The following PGM5 variants were observed in gnomAD, a reference collection of about 807,000 sequenced individuals.
PGM5 encodes the protein phosphoglucomutase-like protein 5.
PGM5 carries 23 observed loss-of-function variants against 59.2 expected under a neutral mutation model. The observed-to-expected ratio is 0.39, with a 90% CI of 0.28 to 0.55. The LOEUF is 0.55. Among genes scored for constraint, PGM5 ranks in the 20% least tolerant of loss-of-function variants. The probability of loss-of-function intolerance (pLI) is 0.66; values close to 1 mark genes in which losing one functional copy is unlikely to be tolerated. For synonymous variants in PGM5, 214 were observed against 286.0 expected (o/e 0.75, Z 2.54); for missense variants, 574 against 748.3 (o/e 0.77, Z 2.72).
At chr9:68,372,900 T>G (rs1821777601) in intron 1 of PGM5, among the ~76,000 whole-genome samples, 1 of 152,088 alleles carries the variant, frequency 6.6e-6, no homozygotes, top group East Asian at 1.9e-4. Flanking sequence ...GAGAACACAC[T>G]TATCGTCAAG....
intron 7 of PGM5, chr9:68,466,503 T>C (rs1823937396): frequency 1.8e-5 from 3 of 169,300 alleles, no homozygotes; most frequent in South Asian, 2.9e-4. Flanking sequence ...CTGTTTTTTG[T>C]AGATCTCATA....
chr9:68,391,466 A>C, intron 4 of PGM5, 68 bp from the exon 5 acceptor site: 2 of 1,375,216 alleles, frequency 1.5e-6, no homozygotes, highest in East Asian at 2.3e-5. Flanking sequence ...TTCCTGTACT[A>C]TTCAGAACAA....
chr9:68,376,943 C>T (rs9410889), intron 1 of PGM5, among the ~76,000 whole-genome samples: 9,279 of 142,580 alleles, frequency 0.065, 622 homozygotes, highest in African/African-American at 0.14. Flanking sequence ...CTTTCTTTCC[C>T]TCAGACAGAG....
At chr9:68,501,127 C>T (rs1421984463) in intron 10 of PGM5, among the ~76,000 whole-genome samples, 1 of 152,138 alleles carries the variant, frequency 6.6e-6, no homozygotes, top group Non-Finnish European at 1.5e-5. Context: ...GAAGGGTTGG[C>T]GAATCCCTTC....
chr9:68,486,494 G>A (rs185249866), intron 9 of PGM5, among the ~76,000 whole-genome samples: 10 of 152,034 alleles, frequency 6.6e-5, no homozygotes, highest in Admixed American at 1.3e-4. Context: ...CTATGGATTC[G>A]CCTATTTGGG....
At chr9:68,485,627 G>A (rs1035275384) in intron 9 of PGM5, among the ~76,000 whole-genome samples, 3 of 152,122 alleles carry the variant, frequency 2.0e-5, no homozygotes, top group Admixed American at 6.5e-5. Flanking sequence ...ATTCTTCATA[G>A]CAGTATGAAA....
intron 6 of PGM5, among the ~76,000 whole-genome samples, chr9:68,402,135 A>G (rs1385442191): frequency 2.6e-5 from 4 of 152,010 alleles, no homozygotes; most frequent in Admixed American, 2.6e-4. Context: ...GTGGTGGCGC[A>G]GGCTTGTAAT....
intron 6 of PGM5, among the ~76,000 whole-genome samples, chr9:68,411,356 G>T (rs188869665): frequency 6.7e-6 from 1 of 149,802 alleles, no homozygotes; most frequent in Non-Finnish European, 1.5e-5. Context: ...GACATACAGC[G>T]ACCCTATCTC....
chr9:68,442,653 A>G (rs868921555), intron 6 of PGM5, among the ~76,000 whole-genome samples: 4 of 152,246 alleles, frequency 2.6e-5, no homozygotes, highest in East Asian at 1.9e-4. Flanking sequence ...ATTTTTGACA[A>G]TGGTGCTAAA....
intron 6 of PGM5, among the ~76,000 whole-genome samples, chr9:68,399,785 A>G (rs1822618895): frequency 6.6e-6 from 1 of 152,160 alleles, no homozygotes; most frequent in Non-Finnish European, 1.5e-5. Context: ...CCTGAGTTCG[A>G]TAGCCAAATT....
intron 9 of PGM5, among the ~76,000 whole-genome samples, chr9:68,492,116 G>A (rs76086598): frequency 6.6e-6 from 1 of 152,136 alleles, no homozygotes; most frequent in Non-Finnish European, 1.5e-5. Context: ...AGCTTCACCA[G>A]GAAATATAAA....
intron 6 of PGM5, among the ~76,000 whole-genome samples, chr9:68,423,496 G>A (rs1232849174): frequency 1.3e-5 from 2 of 152,152 alleles, no homozygotes; most frequent in African/African-American, 2.4e-5. Context: ...ACCTTTGAAG[G>A]GAGAGTGCTC....
intron 7 of PGM5, among the ~76,000 whole-genome samples, chr9:68,469,797 A>G (rs936221078): frequency 1.3e-5 from 2 of 152,224 alleles, no homozygotes; most frequent in Non-Finnish European, 2.9e-5. Flanking sequence ...AAGGGAAGGA[A>G]GGTTGGAAAG....
chr9:68,528,384 A>C (rs968490524), intron 10 of PGM5, among the ~76,000 whole-genome samples: 7 of 152,178 alleles, frequency 4.6e-5, no homozygotes, highest in Admixed American at 6.5e-5. Flanking sequence ...AGCTAGGACT[A>C]TAGGCACACA....
chr9:68,413,153 T>C (rs1208148955), intron 6 of PGM5, among the ~76,000 whole-genome samples: 1 of 152,210 alleles, frequency 6.6e-6, no homozygotes, highest in Non-Finnish European at 1.5e-5. Context: ...TGGCTGTTTC[T>C]CTATTTAAAG....
intron 6 of PGM5, among the ~76,000 whole-genome samples, chr9:68,429,644 A>T (rs928155066): frequency 6.6e-6 from 1 of 152,198 alleles, no homozygotes; most frequent in Non-Finnish European, 1.5e-5. Flanking sequence ...GGGGTGACAA[A>T]TATCCCCCTC....
At chr9:68,449,999 G>A (rs886082307) in intron 6 of PGM5, among the ~76,000 whole-genome samples, 1 of 152,194 alleles carries the variant, frequency 6.6e-6, no homozygotes, top group Non-Finnish European at 1.5e-5. Context: ...CAGCCTGCTG[G>A]GGTTTGACCA....
At chr9:68,409,553 T>G (rs1822884432) in intron 6 of PGM5, among the ~76,000 whole-genome samples, 1 of 146,034 alleles carries the variant, frequency 6.8e-6, no homozygotes, top group Non-Finnish European at 1.5e-5. Context: ...CCATAAAAAA[T>G]GATGAGTTCA....
intron 1 of PGM5, among the ~76,000 whole-genome samples, chr9:68,369,023 A>G (rs1834734304): frequency 6.6e-6 from 1 of 152,292 alleles, no homozygotes; most frequent in Non-Finnish European, 1.5e-5. Context: ...AATTTGAGGT[A>G]AAAGAACATT....
Sources: gnomAD v4.1 joint callset for allele counts (sites outside exome capture counted in the v4.1 genomes callset) on GRCh38, gnomAD v4.1.1 for gene constraint, MANE v1.5 for transcripts, NCBI Gene and HGNC (gene_info 2026-07-23, HGNC 2026-07-21) for gene names.